The following EDRF1 variants were observed in gnomAD, a reference collection of about 807,000 sequenced individuals.
EDRF1 encodes erythroid differentiation-related factor 1.
In EDRF1, 69 loss-of-function variants were observed where a neutral mutation model predicts 148.7. That is an observed-to-expected ratio of 0.46 (90% CI 0.38 to 0.57). The LOEUF (loss-of-function observed/expected upper bound fraction) is 0.57, where lower values mean the gene tolerates loss of function less well. EDRF1 is among the 20% of genes least tolerant of loss of function. EDRF1 has a pLI of 0.00. For synonymous variants in EDRF1, 515 were observed against 532.8 expected (o/e 0.97, Z 0.46); for missense variants, 1,118 against 1,478.7 (o/e 0.76, Z 4.00).
chr10:125,750,856 G>A (rs764572982), intron 22 of EDRF1, among the ~76,000 whole-genome samples: 1 of 152,216 alleles, frequency 6.6e-6, no homozygotes, highest in Non-Finnish European at 1.5e-5. Flanking sequence ...TTTGGGGAGA[G>A]TGATCTTCAG....
chr10:125,719,748 C>A lies in EDRF1; in HGVS notation c.-60C>A. On this transcript the variant is annotated 5_prime_UTR_variant, in exon 1 of 25. It adds an upstream start codon to the 5' untranslated region. Coordinates refer to ENST00000356792, the MANE Select transcript of EDRF1 (RefSeq NM_001202438.2). Reference sequence around the variant, plus strand: ...CTCTGGCGCTTACCCTGCTTTGGGCCTGCGTTGCTGCTGCTGCTCCTCCGC... The same window carrying A: ...CTCTGGCGCTTACCCTGCTTTGGGCATGCGTTGCTGCTGCTGCTCCTCCGC... The A allele has an allele frequency of 1.4e-6, 2 of 1,409,370 alleles. No homozygotes were observed. The highest frequency in any genetic ancestry group is 2.0e-6 in the Non-Finnish European group (2 of 1,021,392). 87.3% of individuals were successfully genotyped at this position (1,409,370 alleles called of 1,614,324 possible).
At chr10:125,740,964 A>G (rs775460683) in intron 16 of EDRF1, 37 bp from the exon 17 acceptor site, 2 of 1,598,196 alleles carry the variant, frequency 1.3e-6, no homozygotes, top group Non-Finnish European at 1.7e-6. Context: ...TTTTTTCTGC[A>G]TTTGTGTTTT....
chr10:125,749,041 G>A (rs1369818944), intron 21 of EDRF1: 1 of 284,558 alleles, frequency 3.5e-6, no homozygotes, highest in South Asian at 3.6e-5. Flanking sequence ...ATTTGAGGTC[G>A]GGAGTTAGAG....
intron 19 of EDRF1, 132 bp from the exon 20 acceptor site, chr10:125,747,401 CATA>C (rs1564747920): frequency 2.0e-6 from 2 of 1,007,972 alleles, no homozygotes; most frequent in South Asian, 2.8e-5. Flanking sequence ...TTCATTTCCT[CATA>C]ATATTGTCTC....
At chr10:125,762,958 C>T (rs1295448440) in intron 24 of EDRF1, among the ~76,000 whole-genome samples, 1 of 152,192 alleles carries the variant, frequency 6.6e-6, no homozygotes, top group Non-Finnish European at 1.5e-5. Context: ...CTCCCCTCCC[C>T]TCCCCCAAAC....
chr10:125,759,424 A>G (rs1850080983), intron 24 of EDRF1, among the ~76,000 whole-genome samples: 1 of 152,166 alleles, frequency 6.6e-6, no homozygotes, highest in Admixed American at 6.5e-5. Context: ...TGCTTGAGCC[A>G]GAGACTTTTT....
chr10:125,733,552 G>T lies in EDRF1; in HGVS notation c.1276+1G>T. ...GGACATACCTATTGGCTCTTTAAAG[G>T]TAAGCTATTAATACTTCTTGAGTGA... is the stretch of plus-strand genomic sequence containing the variant. On this transcript the variant is annotated splice_donor_variant, in intron 10 of 24. Coordinates refer to ENST00000356792, the MANE Select transcript of EDRF1 (RefSeq NM_001202438.2). LOFTEE classifies it high-confidence loss of function. The T allele has an allele frequency of 6.2e-7, 1 of 1,604,624 alleles. No homozygotes were observed. Among genetic ancestry groups the T allele is most frequent in the Non-Finnish European group, 8.5e-7 (1 of 1,171,630 alleles).
chr10:125,736,240 T>C (rs1190146909), intron 13 of EDRF1, among the ~76,000 whole-genome samples: 1 of 152,158 alleles, frequency 6.6e-6, no homozygotes, highest in African/African-American at 2.4e-5. Flanking sequence ...AAATGACATA[T>C]ATAGATTGCT....
At chr10:125,748,490 G>A (rs1301472403) in intron 21 of EDRF1, 5 of 194,284 alleles carry the variant, frequency 2.6e-5, no homozygotes, top group East Asian at 1.3e-4. Flanking sequence ...ATCTGAGGCC[G>A]AGGATAAAGG....
At position 125,747,847 on chromosome 10, in the gene EDRF1, C is replaced by A; in HGVS notation, c.2974-16C>A. ...TTAGAAGCTTATTTTTTTCTTCCCC[C>A]TCAAAACAAGAACAGATTGAGAAAG... On this transcript the variant is annotated splice_polypyrimidine_tract_variant and intron_variant, in intron 20 of 24. Transcript: ENST00000356792. The A allele has an allele frequency of 6.2e-7, 1 of 1,612,250 alleles. No homozygotes were observed. Among genetic ancestry groups the A allele is most frequent in the Non-Finnish European group, 8.5e-7 (1 of 1,179,424 alleles).
chr10:125,736,866 A>C (rs994397995), intron 13 of EDRF1, among the ~76,000 whole-genome samples: 1 of 151,342 alleles, frequency 6.6e-6, no homozygotes, highest in Admixed American at 6.6e-5. Flanking sequence ...TTCCCTGACC[A>C]CTCTGGCCAA....
At chr10:125,742,594 A>G (rs1849087135) in intron 17 of EDRF1, 1 of 985,206 alleles carries the variant, frequency 1.0e-6, no homozygotes, top group South Asian at 4.7e-5. Flanking sequence ...CATCATAGCA[A>G]TTTCAGTTAA....
intron 24 of EDRF1, among the ~76,000 whole-genome samples, chr10:125,759,904 G>T (rs1019810179): frequency 2.6e-5 from 4 of 152,090 alleles, no homozygotes; most frequent in Non-Finnish European, 4.4e-5. Flanking sequence ...TAGAGACGGG[G>T]TTTCACCGTG....
At chr10:125,751,466 A>G (rs1023619920) in intron 22 of EDRF1, among the ~76,000 whole-genome samples, 1 of 140,932 alleles carries the variant, frequency 7.1e-6, no homozygotes, top group African/African-American at 2.7e-5. Flanking sequence ...TAATGTCTAT[A>G]TTGTCTGGTC....
At chr10:125,729,615 C>T (rs1388177001) in intron 8 of EDRF1, 136 bp downstream of exon 8, 2 of 1,151,392 alleles carry the variant, frequency 1.7e-6, no homozygotes, top group Non-Finnish European at 2.6e-6. Flanking sequence ...GAGCAAGACT[C>T]GTCTCAAAAA....
chr10:125,743,332 A>AT, intron 18 of EDRF1, 56 bp downstream of exon 18: 1 of 1,468,376 alleles, frequency 6.8e-7, no homozygotes, highest in Non-Finnish European at 9.5e-7. Context: ...AATTATGCTA[A>AT]TTTTGTATGA....
At chr10:125,757,621 G>A (rs1043315847) in intron 24 of EDRF1, among the ~76,000 whole-genome samples, 1 of 152,188 alleles carries the variant, frequency 6.6e-6, no homozygotes, top group Non-Finnish European at 1.5e-5. Context: ...ATTTGTAGGT[G>A]TGCTAGCAAT....
chr10:125,733,952 GT>G, intron 11 of EDRF1, 119 bp from the exon 12 acceptor site: 1 of 954,136 alleles, frequency 1.0e-6, no homozygotes, highest in Non-Finnish European at 1.7e-6. Flanking sequence ...AAAGTGTAAA[GT>G]TTAGTATTTT....
At position 125,719,858 on chromosome 10, in the gene EDRF1, C is replaced by A. The variant is rs1193225281; in HGVS notation, c.51C>A (p.Ala17=). The part of the protein sequence containing the change: ...AGAEGPPAGA[A]ARGGLSLLSQ... ...CCGAGGGTCCGCCGGCCGGGGCCGCCGCTCGAGGAGGGCTCAGCCTCCTGT... is the reference window on the plus strand; with the variant it reads ...CCGAGGGTCCGCCGGCCGGGGCCGCAGCTCGAGGAGGGCTCAGCCTCCTGT... Residue 17 remains alanine (A), a synonymous_variant, in exon 1 of 25, where the codon GCC becomes GCA. Transcript: ENST00000356792. 6.2e-7 allele frequency: 1 copy of A among 1,612,822 alleles called. No individual in the cohort carries two copies.
Sources: allele counts gnomAD v4.1 joint callset (sites outside exome capture counted in the v4.1 genomes callset), GRCh38; gene constraint gnomAD v4.1.1; transcripts MANE v1.5; gene names NCBI Gene and HGNC (gene_info 2026-07-23, HGNC 2026-07-21).